Variants in ARAP1 observed in about 807,000 individuals in gnomAD.
ARAP1 encodes the protein arf-GAP with Rho-GAP domain, ANK repeat and PH domain-containing protein 1.
ARAP1 carries 76 observed loss-of-function variants against 172.2 expected under a neutral mutation model. That is an observed-to-expected ratio of 0.44 (90% confidence interval 0.37 to 0.53). ARAP1 has a LOEUF of 0.53. Ranked by LOEUF, ARAP1 falls within the 20% of genes least tolerant of loss-of-function variation. The pLI is 0.00. For missense variants in ARAP1, 1,686 were observed against 1,977.5 expected (o/e 0.85, Z 2.80); for synonymous variants, 804 against 803.3 (o/e 1.00, Z -0.01).
chr11:72,738,076 G>A (rs951106610), intron 1 of ARAP1, among the ~76,000 whole-genome samples: 2 of 152,202 alleles, frequency 1.3e-5, no homozygotes, highest in African/African-American at 2.4e-5. Context: ...AAGTAAGGGA[G>A]GCTTCTAGAA....
chr11:72,712,923 G>A (rs567678119), intron 5 of ARAP1: 58 of 596,416 alleles, frequency 9.7e-5, no homozygotes, highest in South Asian at 4.3e-4. Context: ...CACACAGGGT[G>A]GGGGGAGGCC....
At position 72,710,493 on chromosome 11, in the gene ARAP1, T is replaced by C; in HGVS notation, c.1308A>G (p.Pro436=). Residue 436 remains proline, a synonymous_variant, in exon 10 of 35, where the codon CCA becomes CCG. Coordinates refer to ENST00000393609, the MANE Select transcript of ARAP1 (RefSeq NM_001040118.3). The surrounding 1 kb of genome is among the most constrained non-coding windows in gnomAD (Gnocchi z 4.3). ...CAGCGCGGTCAGGCTGCTCTGAGCC[T>C]GGAACTCCCAGCAGATAAGCGCTAG... ...RLSSAYLLGV[P]GSEQPDRAGS... is the part of the protein sequence containing the mutation. The C allele has an allele frequency of 1.9e-6, 3 of 1,614,066 alleles. No homozygotes were observed. The highest frequency in any genetic ancestry group is 1.1e-5 in the South Asian group (1 of 91,084).
At chr11:72,740,651 C>T (rs890502043) in intron 1 of ARAP1, among the ~76,000 whole-genome samples, 1 of 152,116 alleles carries the variant, frequency 6.6e-6, no homozygotes, top group Non-Finnish European at 1.5e-5. Flanking sequence ...AAGAGACTGA[C>T]ACTCAAAGCC....
rs200795098 is a variant in ARAP1 at position 72,707,261 on chromosome 11, G to C, written c.1637C>G (p.Pro546Arg). 171 of 1,612,952 alleles carry C rather than the reference G, an allele frequency of 1.1e-4. 3 individuals are homozygous for C. In the South Asian group the frequency reaches 1.7e-3, roughly 16 times the overall value. The stretch of plus-strand genomic sequence containing the variant: ...CCCGCAGTCAGCACAGAACCTGTTG[G>C]GGGCTGCAGCCCAGATGCGCTCGGC... ...EVAERIWAAA[P>R]NRFCADCGAP... is the part of the protein sequence containing the mutation. Residue 546 changes from proline (P) to arginine (R), a missense_variant, in exon 12 of 35, where the codon CCC (proline) becomes CGC (arginine). This residue lies in a region of ARAP1 where 688 missense variants were observed against 856.9 expected (regional missense o/e 0.80). Coordinates refer to ENST00000393609, the MANE Select transcript of ARAP1 (RefSeq NM_001040118.3).
rs200358910 is a variant in ARAP1 at position 72,686,056 on chromosome 11, C to A, written c.4321G>T (p.Ala1441Ser). 1.9e-6 allele frequency: 3 copies of A among 1,613,938 alleles called. No homozygotes were observed. Among genetic ancestry groups the A allele is most frequent in the African/African-American group, 2.7e-5 (2 of 74,934 alleles). The change falls in exon 34 of 35, where the codon GCG becomes TCG. Residue 1441 changes from alanine to serine, a missense_variant. Transcript: ENST00000393609. ...EMRRSVAAFT[A>S]DPLSLLRNV Reference sequence around the variant, plus strand: ...GAGCCACTCACAGACAGAGGGTCCGCGGTGAAGGCAGCCACACTCCGGCGC... The same window carrying A: ...GAGCCACTCACAGACAGAGGGTCCGAGGTGAAGGCAGCCACACTCCGGCGC...
At position 72,732,849 on chromosome 11, in the gene ARAP1, A is replaced by G. The variant is rs139536834; in HGVS notation, c.-127-252T>C. 8.1e-3 allele frequency among the ~76,000 whole-genome samples: 1,226 copies of G among 152,178 alleles called. 20 individuals carry two copies. The highest frequency in any genetic ancestry group is 0.028 in the African/African-American group (1,148 of 41,506). On this transcript the variant is annotated intron_variant, in intron 1 of 34. Transcript: ENST00000393609. ...AATACAAAAATTATCCAGGTGTGGT[A>G]GTGTGTGCCTGTAGTCCCAGGAACT...
chr11:72,719,993 C>G (rs900735505), intron 3 of ARAP1, among the ~76,000 whole-genome samples: 2 of 152,160 alleles, frequency 1.3e-5, no homozygotes, highest in East Asian at 3.8e-4. Flanking sequence ...CTGGGGCTCC[C>G]CACAATTCTG....
intron 1 of ARAP1, among the ~76,000 whole-genome samples, chr11:72,749,082 C>T (rs1359858281): frequency 6.6e-6 from 1 of 152,168 alleles, no homozygotes; most frequent in Non-Finnish European, 1.5e-5. Context: ...AGAAGAGCTG[C>T]CCGAGGGACT....
chr11:72,694,171 CTCTG>C (rs1189259183), intron 27 of ARAP1, among the ~76,000 whole-genome samples: 1 of 151,374 alleles, frequency 6.6e-6, no homozygotes, highest in Non-Finnish European at 1.5e-5. Context: ...AATCTCTCTG[CTCTG>C]TCTATCTCCA....
Position 72,696,611 on chromosome 11 carries a change from C to T in ARAP1, c.3210G>A (p.Leu1070=). Residue 1070 remains leucine (L), a synonymous_variant, in exon 23 of 35, where the codon CTG becomes CTA. Coordinates refer to ENST00000393609, the MANE Select transcript of ARAP1 (RefSeq NM_001040118.3). ...EEEKVSRYRE[L]LVRLPPVNRA... ...GGTTGACAGGGGGCAGCCGCACCAG[C>T]AGCTCTCGGTACCTGGAGACCTTCT... is the stretch of plus-strand genomic sequence containing the variant. 2 of 1,606,874 alleles carry T rather than the reference C, an allele frequency of 1.2e-6. No individual in the cohort carries two copies. Among genetic ancestry groups the T allele is most frequent in the Non-Finnish European group, 1.7e-6 (2 of 1,175,182 alleles).
chr11:72,699,478 TG>T lies in ARAP1; in HGVS notation c.2376del (p.Asn793MetfsTer61), dbSNP rs774638715. ...ATCTCGCTGGCCCGAATCTCTCCAT[TG>T]GGGGTCACTGCCCGCTCATTCTCAA... is the stretch of plus-strand genomic sequence containing the variant. ...SYFENERAVTPNGEIRASEIV... is the reference protein window; with the variant it reads ...SYFENERAVTXNGEIRASEIV... On this transcript the variant is annotated frameshift_variant, in exon 17 of 35. Coordinates refer to ENST00000393609, the MANE Select transcript of ARAP1 (RefSeq NM_001040118.3). LOFTEE classifies it high-confidence loss of function. This position sits in a 1 kb window ranked among gnomAD's most constrained non-coding sequence, Gnocchi z 4.2. The T allele has an allele frequency of 1.9e-6, 3 of 1,613,996 alleles. No homozygotes were observed. Among genetic ancestry groups the T allele is most frequent in the Non-Finnish European group, 2.5e-6 (3 of 1,179,986 alleles).
intron 29 of ARAP1, 111 bp from the exon 30 acceptor site, chr11:72,692,896 G>A (rs1450066445): frequency 7.2e-7 from 1 of 1,382,106 alleles, no homozygotes; most frequent in East Asian, 2.3e-5. Context: ...TGTGCAGAAG[G>A]TGGAGGGTGT....
At position 72,726,181 on chromosome 11, in the gene ARAP1, C is replaced by T. The variant is rs561516366; in HGVS notation, c.509+439G>A. Among the ~76,000 whole-genome samples the T allele has an allele frequency of 6.6e-6, 1 of 151,986 alleles. No homozygotes were observed. Among genetic ancestry groups the T allele is most frequent in the Non-Finnish European group, 1.5e-5 (1 of 67,960 alleles). ...AGCACACCACCAGGACCTGGGCAGT[C>T]CCCTCACCCCCAACCCTACCCCGCA... On this transcript the variant is annotated intron_variant, in intron 3 of 34. Coordinates refer to ENST00000393609, the MANE Select transcript of ARAP1 (RefSeq NM_001040118.3). This position sits in a 1 kb window ranked among gnomAD's most constrained non-coding sequence, Gnocchi z 6.5.
chr11:72,724,768 G>A (rs577472882), intron 3 of ARAP1, among the ~76,000 whole-genome samples: 40 of 152,310 alleles, frequency 2.6e-4, no homozygotes, highest in South Asian at 6.2e-4. Flanking sequence ...ATACTCTGCC[G>A]TAAGGAATAG....
At position 72,725,161 on chromosome 11, in the gene ARAP1, G is replaced by A. The variant is rs900313591; in HGVS notation, c.509+1459C>T. Among the ~76,000 whole-genome samples the A allele has an allele frequency of 4.6e-5, 7 of 152,174 alleles. No homozygotes were observed. The highest frequency in any genetic ancestry group is 1.4e-4 in the African/African-American group (6 of 41,448). On this transcript the variant is annotated intron_variant, in intron 3 of 34. Transcript: ENST00000393609. This position sits in a 1 kb window ranked among gnomAD's most constrained non-coding sequence, Gnocchi z 4.3. ...CCAAGCAGGAACCCAGGCCTCCACT[G>A]CCCGTCCGGGAGTCACAGGAAGGGC... is the stretch of plus-strand genomic sequence containing the variant.
intron 3 of ARAP1, chr11:72,722,272 C>T (rs1180389360): frequency 1.1e-5 from 11 of 985,462 alleles, no homozygotes; most frequent in Non-Finnish European, 1.3e-5. Flanking sequence ...TCTGGTCTCC[C>T]GGAGGCTTCC....
Position 72,712,247 on chromosome 11 carries a change from G to A in ARAP1, c.971C>T (p.Pro324Leu). ...GCCAGCCTTGATGACTGGTGTGACG[G>A]GGGTGGAGCCCCCAGGCGGCCCGTC... ...PMDGPPGGST[P>L]VTPVIKAGWL... Residue 324 changes from proline to leucine, a missense_variant, in exon 7 of 35, where the codon CCC (proline) becomes CTC (leucine). By Grantham distance (98) the Pro-to-Leu change is moderately conservative. Transcript: ENST00000393609. The A allele has an allele frequency of 1.2e-6, 2 of 1,607,700 alleles. No individual in the cohort carries two copies. The highest frequency in any genetic ancestry group is 1.7e-6 in the Non-Finnish European group (2 of 1,177,024).
chr11:72,709,436 G>GCAGAGGA (rs1308340619), intron 11 of ARAP1, among the ~76,000 whole-genome samples: 1 of 152,178 alleles, frequency 6.6e-6, no homozygotes, highest in Non-Finnish European at 1.5e-5. Flanking sequence ...CAGGGAGAGG[G>GCAGAGGA]CAGAGGACAG....
Position 72,726,120 on chromosome 11 carries a change from C to T in ARAP1, c.509+500G>A, listed in dbSNP as rs1857681443. Among the ~76,000 whole-genome samples the T allele has an allele frequency of 6.6e-6, 1 of 152,156 alleles. No homozygotes were observed. ...TGAGAAGTGTCCCAGGATTTGCTGA[C>T]ATTTGGCAGTGGGAGAAGGGGACAG... On this transcript the variant is annotated intron_variant, in intron 3 of 34. Transcript: ENST00000393609. The surrounding 1 kb of genome is among the most constrained non-coding windows in gnomAD (Gnocchi z 6.5).
Sources: allele counts gnomAD v4.1 joint callset (sites outside exome capture counted in the v4.1 genomes callset), GRCh38; gene constraint gnomAD v4.1.1; regional missense constraint gnomAD v4.1.1; non-coding constraint Gnocchi (gnomAD v3.1); transcripts MANE v1.5; gene names NCBI Gene and HGNC (gene_info 2026-07-23, HGNC 2026-07-21).